The following GPATCH1 variants were observed in gnomAD, a reference collection of about 807,000 sequenced individuals.
The protein encoded by GPATCH1 is G-patch domain containing 1, also known as G patch domain-containing protein 1.
Under a neutral mutation model 114.9 loss-of-function variants are expected in GPATCH1, and 73 were observed. That is an observed-to-expected ratio of 0.64 (90% CI 0.53 to 0.77). The LOEUF is 0.77. Among genes scored for constraint, GPATCH1 ranks in the 30% least tolerant of loss-of-function variants. The pLI, the probability that GPATCH1 is intolerant of heterozygous loss-of-function variation, is 0.00. For missense variants in GPATCH1, 1,058 were observed against 1,144.3 expected (o/e 0.92, Z 1.09); for synonymous variants, 391 against 428.4 (o/e 0.91, Z 1.08).
chr19:33,115,563 C>T (rs562196452), intron 15 of GPATCH1, among the ~76,000 whole-genome samples: 4 of 150,110 alleles, frequency 2.7e-5, no homozygotes, highest in South Asian at 2.1e-4. Flanking sequence ...GGCACTGTCT[C>T]GGCTCACCGC....
intron 17 of GPATCH1, 48 bp from the exon 18 acceptor site, chr19:33,125,055 CTT>C: frequency 6.4e-7 from 1 of 1,552,400 alleles, no homozygotes; most frequent in South Asian, 1.2e-5. Context: ...TTTGGATAGT[CTT>C]TGTTTTCGTG....
chr19:33,100,127 A>T (rs1221540904), intron 8 of GPATCH1: 1 of 151,966 alleles, frequency 6.6e-6, no homozygotes, highest in East Asian at 1.9e-4. Context: ...GCTATAATGA[A>T]TATTTTTCTG....
At chr19:33,107,937 G>A (rs534501354) in intron 10 of GPATCH1, among the ~76,000 whole-genome samples, 16 of 151,452 alleles carry the variant, frequency 1.1e-4, no homozygotes, top group Non-Finnish European at 2.4e-4. Flanking sequence ...TGCCACGTTC[G>A]TGTGCTGCAC....
At chr19:33,114,526 G>A in intron 15 of GPATCH1, 107 bp downstream of exon 15, 2 of 865,500 alleles carry the variant, frequency 2.3e-6, no homozygotes, top group Non-Finnish European at 1.8e-6. Context: ...GCCAACTATT[G>A]ATCCATTTCC....
chr19:33,114,285 A>C lies in GPATCH1; in HGVS notation c.2062A>C (p.Lys688Gln), dbSNP rs771674088. 5.6e-6 allele frequency: 9 copies of C among 1,612,960 alleles called. No individual in the cohort carries two copies. The highest frequency in any genetic ancestry group is 6.8e-6 in the Non-Finnish European group (8 of 1,179,602). Residue 688 changes from lysine (K) to glutamine (Q), a missense_variant, in exon 15 of 20, where the codon AAA becomes CAA. Lys to Gln is a moderately conservative substitution (Grantham distance 53). Transcript: ENST00000170564. ...SRKPSRWDTS[K>Q]HEKKEDSISE... The stretch of plus-strand genomic sequence containing the variant: ...AAAACCATCCAGATGGGATACCTCT[A>C]AACACGAAAAGAAAGAAGATTCCAT...
chr19:33,094,349 C>T (rs1972631639), intron 5 of GPATCH1, 80 bp downstream of exon 5: 23 of 789,244 alleles, frequency 2.9e-5, no homozygotes, highest in South Asian at 2.0e-4. Context: ...CTTGCTCTGT[C>T]GCCCAGGCTG....
intron 9 of GPATCH1, among the ~76,000 whole-genome samples, chr19:33,105,856 T>G (rs1018237122): frequency 6.6e-6 from 1 of 151,748 alleles, no homozygotes; most frequent in Non-Finnish European, 1.5e-5. Context: ...TCTTTTTTTT[T>G]TGTTTGAGAC....
At position 33,129,743 on chromosome 19, in the gene GPATCH1, A is replaced by C. The variant is rs533933563; in HGVS notation, c.2766-387A>C. ...CGGGCAGATCACAGTCAGGAGTTCG[A>C]AACAAGCCTGGCCAACATGGTGAAA... is the stretch of plus-strand genomic sequence containing the variant. On this transcript the variant is annotated intron_variant, in intron 19 of 19. Transcript: ENST00000170564. Among the ~76,000 whole-genome samples, 181 of 152,192 alleles carry C rather than the reference A, an allele frequency of 1.2e-3. 2 individuals carry two copies. Among genetic ancestry groups the C allele is most frequent in the African/African-American group, 4.3e-3 (180 of 41,498 alleles).
At position 33,109,733 on chromosome 19, in the gene GPATCH1, G is replaced by A. The variant is rs1972827886; in HGVS notation, c.1302G>A (p.Val434=). The A allele has an allele frequency of 1.3e-6, 2 of 1,574,368 alleles. No individual in the cohort carries two copies. Among genetic ancestry groups the A allele is most frequent in the African/African-American group, 2.7e-5 (2 of 73,102 alleles). ...TTTATTTAGGTTCAGCTACTTCAGT[G>A]TTAGAATTTCTGTCCCAAAAAGACA... ...ETPIQGSATS[V]LEFLSQKDKE... Residue 434 remains valine, a synonymous_variant, in exon 11 of 20, where the codon GTG becomes GTA. Transcript: ENST00000170564.
intron 15 of GPATCH1, among the ~76,000 whole-genome samples, chr19:33,115,225 ATTTTT>A (rs71176196): frequency 0.13 from 7,334 of 56,150 alleles, 367 homozygotes; most frequent in South Asian, 0.24. Flanking sequence ...TGCCTGGCTA[ATTTTT>A]TTTTTTTTTT....
At chr19:33,127,885 T>G (rs906733206) in intron 19 of GPATCH1, among the ~76,000 whole-genome samples, 3 of 150,752 alleles carry the variant, frequency 2.0e-5, no homozygotes, top group Non-Finnish European at 4.4e-5. Context: ...ATTTTTGTAT[T>G]TTGTATTTTT....
chr19:33,104,531 T>TATCA (rs1315864953), intron 9 of GPATCH1, among the ~76,000 whole-genome samples: 1 of 152,078 alleles, frequency 6.6e-6, no homozygotes, highest in Non-Finnish European at 1.5e-5. Flanking sequence ...TTGACAATGA[T>TATCA]AACACCACTC....
intron 1 of GPATCH1, among the ~76,000 whole-genome samples, chr19:33,086,469 T>C (rs182036795): frequency 1.0e-3 from 153 of 152,096 alleles, no homozygotes; most frequent in Admixed American, 2.0e-3. Flanking sequence ...GATGACAAAT[T>C]TTTTTTCTTT....
chr19:33,126,447 T>G (rs940201179), intron 18 of GPATCH1, 141 bp from the exon 19 acceptor site: 1 of 1,264,442 alleles, frequency 7.9e-7, no homozygotes, highest in African/African-American at 1.5e-5. Flanking sequence ...CTTGTTAGGC[T>G]CTCACTCTCA....
rs557686705 is a variant in GPATCH1 at position 33,125,189 on chromosome 19, G to C, written c.2606G>C (p.Arg869Pro). The change falls in exon 18 of 20, where the codon CGG becomes CCG. Residue 869 changes from arginine (R) to proline (P), a missense_variant. This residue lies in a region of GPATCH1 where 893 missense variants were observed against 977.4 expected (regional missense o/e 0.91). Coordinates refer to ENST00000170564, the MANE Select transcript of GPATCH1 (RefSeq NM_018025.3). ...CACAAGGCCAAGAAAGAGCACAGGC[G>C]GAAGAAAGAGAAGGTGAGAGACTTG... ...DKHKAKKEHR[R>P]KKEKKKKHRK... The C allele has an allele frequency of 1.9e-6, 3 of 1,592,988 alleles. No homozygotes were observed. Among genetic ancestry groups the C allele is most frequent in the Non-Finnish European group, 2.6e-6 (3 of 1,169,862 alleles).
In GPATCH1 at chr19:33,081,267, G is replaced by T; in HGVS notation, c.73+1G>T. The stretch of plus-strand genomic sequence containing the variant: ...ACCGGGCTGGAGCCTCTGGAAGAAG[G>T]TGCGGGCCGCGTGGGCCGGCGGAGC... On this transcript the variant is annotated splice_donor_variant, in intron 1 of 19. Transcript: ENST00000170564. LOFTEE classifies it high-confidence loss of function. 1.3e-6 allele frequency: 2 copies of T among 1,551,382 alleles called. No homozygotes were observed. The highest frequency in any genetic ancestry group is 1.7e-6 in the Non-Finnish European group (2 of 1,146,724).
At chr19:33,111,665 C>T in intron 11 of GPATCH1, 59 bp from the exon 12 acceptor site, 3 of 1,507,966 alleles carry the variant, frequency 2.0e-6, no homozygotes, top group Admixed American at 1.7e-5. Context: ...CAGATGTTCT[C>T]TTGTAAGCCC....
intron 14 of GPATCH1, 77 bp from the exon 15 acceptor site, chr19:33,114,176 T>C (rs1972890424): frequency 2.3e-6 from 3 of 1,297,744 alleles, no homozygotes; most frequent in Non-Finnish European, 2.2e-6. Flanking sequence ...ACATTCTGAG[T>C]GAATGAAAGA....
rs146604339 is a variant in GPATCH1 at position 33,119,382 on chromosome 19, A to G, written c.2521+265A>G. On this transcript the variant is annotated intron_variant, in intron 17 of 19. Transcript: ENST00000170564. ...GTATCTTAAGTTTTGTTATAGAAAT[A>G]TAAGTTTCCCAACAGAGCTTAAAGA... is the stretch of plus-strand genomic sequence containing the variant. Among the ~76,000 whole-genome samples the G allele has an allele frequency of 4.0e-3, 616 of 152,246 alleles. 2 individuals are homozygous for G. The highest frequency in any genetic ancestry group is 6.4e-3 in the Non-Finnish European group (432 of 68,004).
Sources: gnomAD v4.1 joint callset for allele counts (sites outside exome capture counted in the v4.1 genomes callset) on GRCh38, gnomAD v4.1.1 for gene constraint, gnomAD v4.1.1 regional missense constraint, MANE v1.5 for transcripts, NCBI Gene and HGNC (gene_info 2026-07-23, HGNC 2026-07-21) for gene names.